The following ROR1 variants were observed in gnomAD, a reference collection of about 807,000 sequenced individuals.
ROR1 encodes ROR family WNT receptor 1, also known as inactive tyrosine-protein kinase transmembrane receptor ROR1.
In ROR1, 19 loss-of-function variants were observed where a neutral mutation model predicts 78.8. The observed-to-expected ratio is 0.24, with a 90% CI of 0.17 to 0.35. The LOEUF is 0.35. Ranked by LOEUF, ROR1 falls within the 10% of genes least tolerant of loss-of-function variation. The pLI is 1.00. For missense variants in ROR1, 917 were observed against 1,177.8 expected, an observed-to-expected ratio of 0.78 and a Z score of 3.24; for synonymous variants, 386 against 433.6, an observed-to-expected ratio of 0.89 and a Z score of 1.36.
chr1:64,013,617 T>C (rs978764748), intron 2 of ROR1, among the ~76,000 whole-genome samples: 33 of 152,136 alleles, frequency 2.2e-4, no homozygotes, highest in African/African-American at 8.0e-4. Flanking sequence ...TGGACATACT[T>C]CTGAATAACA....
In ROR1 at chr1:64,140,026, T is replaced by C. The variant is rs748907518; in HGVS notation, c.611-83T>C. On this transcript the variant is annotated intron_variant, in intron 5 of 8. Transcript: ENST00000371079. The stretch of plus-strand genomic sequence containing the variant: ...CACGGCGGATTCCTTGCAATGTGTG[T>C]TTATATCTGATATCCGTTGACTAGA... 5 of 1,295,100 alleles carry C rather than the reference T, an allele frequency of 3.9e-6. No individual in the cohort carries two copies. In the Admixed American group the frequency reaches 1.0e-4, roughly 26 times the overall value. The allele number at this position is 1,295,100 out of a possible 1,614,324, so 80.2% of individuals were successfully genotyped here. A position where few individuals can be genotyped will look rare whatever the true frequency, so the allele number is the denominator to read the frequency against.
At chr1:64,104,072 C>T (rs1647684402) in intron 4 of ROR1, among the ~76,000 whole-genome samples, 2 of 152,078 alleles carry the variant, frequency 1.3e-5, no homozygotes, top group Non-Finnish European at 2.9e-5. Flanking sequence ...ACGTCAATAG[C>T]GCTGAGATTG....
chr1:64,016,298 G>A (rs753161140), intron 2 of ROR1, among the ~76,000 whole-genome samples: 21 of 152,082 alleles, frequency 1.4e-4, no homozygotes, highest in Non-Finnish European at 2.8e-4. Flanking sequence ...CCAAAGTGAG[G>A]GGTAGCATCA....
At chr1:64,079,985 G>A (rs1187827906) in intron 4 of ROR1, among the ~76,000 whole-genome samples, 1 of 152,128 alleles carries the variant, frequency 6.6e-6, no homozygotes, top group Non-Finnish European at 1.5e-5. Context: ...TATAATTAAG[G>A]CAGAATGCCC....
intron 2 of ROR1, chr1:64,028,968 T>A (rs756463887): frequency 6.6e-6 from 1 of 152,226 alleles, no homozygotes; most frequent in Non-Finnish European, 1.5e-5. Context: ...TTTATTGTTC[T>A]GATTTTAGTA....
chr1:64,154,869 G>A (rs1649729538), intron 7 of ROR1, among the ~76,000 whole-genome samples: 1 of 152,056 alleles, frequency 6.6e-6, no homozygotes, highest in South Asian at 2.1e-4. Context: ...ATGCATTGGA[G>A]GTGTCCATTA....
intron 4 of ROR1, among the ~76,000 whole-genome samples, chr1:64,070,417 C>T (rs1013517946): frequency 6.6e-6 from 1 of 152,156 alleles, no homozygotes; most frequent in Admixed American, 6.5e-5. Flanking sequence ...CAGCCTGACC[C>T]TCCTGGGCTC....
At chr1:63,822,295 GTC>G (rs1644928156) in intron 1 of ROR1, among the ~76,000 whole-genome samples, 1 of 152,186 alleles carries the variant, frequency 6.6e-6, no homozygotes, top group African/African-American at 2.4e-5. Context: ...AAGTGAGTAT[GTC>G]TCTGCCCATA....
intron 8 of ROR1, among the ~76,000 whole-genome samples, chr1:64,175,860 G>A (rs1274080428): frequency 6.6e-6 from 1 of 152,112 alleles, no homozygotes; most frequent in Admixed American, 6.5e-5. Flanking sequence ...CTAAACTGTT[G>A]TTTTAAACTC....
intron 1 of ROR1, among the ~76,000 whole-genome samples, chr1:63,929,692 G>A (rs914419481): frequency 6.6e-5 from 10 of 152,206 alleles, no homozygotes; most frequent in Admixed American, 5.2e-4. Flanking sequence ...CTCTTGAAAA[G>A]CAGTTCTTAT....
chr1:63,997,506 AG>A (rs150993928), intron 1 of ROR1, among the ~76,000 whole-genome samples: 1,989 of 152,304 alleles, frequency 0.013, 42 homozygotes, highest in African/African-American at 0.046. Flanking sequence ...TTATGACAAA[AG>A]CAAAAGTAAC....
intron 1 of ROR1, among the ~76,000 whole-genome samples, chr1:63,998,972 T>C (rs935968359): frequency 6.6e-6 from 1 of 152,206 alleles, no homozygotes; most frequent in Non-Finnish European, 1.5e-5. Context: ...TCTCATCCTC[T>C]CTTGCCAACG....
intron 1 of ROR1, among the ~76,000 whole-genome samples, chr1:63,865,654 G>C (rs1645210802): frequency 6.6e-6 from 1 of 152,214 alleles, no homozygotes; most frequent in Non-Finnish European, 1.5e-5. Flanking sequence ...GCGTTTTGCA[G>C]AGTAAGCACT....
At chr1:63,828,893 C>T (rs1158014897) in intron 1 of ROR1, among the ~76,000 whole-genome samples, 1 of 152,252 alleles carries the variant, frequency 6.6e-6, no homozygotes, top group Non-Finnish European at 1.5e-5. Flanking sequence ...ATCACTCCCT[C>T]TCCTCTTCTG....
Position 64,076,081 on chromosome 1 carries a change from A to T in ROR1, c.482+25365A>T, listed in dbSNP as rs552316033. On this transcript the variant is annotated intron_variant, in intron 4 of 8. Coordinates refer to ENST00000371079, the MANE Select transcript of ROR1 (RefSeq NM_005012.4). Reference sequence around the variant, plus strand: ...CCTTCTTGCTGACAGAGGAAGAAGAATCCCACTACCTTTTAGCTGGAGGTT... The same window carrying T: ...CCTTCTTGCTGACAGAGGAAGAAGATTCCCACTACCTTTTAGCTGGAGGTT... 2.1e-3 allele frequency among the ~76,000 whole-genome samples: 314 copies of T among 152,316 alleles called. 2 individuals carry two copies. Among genetic ancestry groups the T allele is most frequent in the African/African-American group, 7.4e-3 (308 of 41,550 alleles).
chr1:63,940,680 CA>C (rs1475726236), intron 1 of ROR1, among the ~76,000 whole-genome samples: 3 of 152,080 alleles, frequency 2.0e-5, no homozygotes, highest in Non-Finnish European at 4.4e-5. Flanking sequence ...CAAAAATCAT[CA>C]ATGGATGTTA....
intron 7 of ROR1, among the ~76,000 whole-genome samples, chr1:64,149,439 G>T (rs1223496378): frequency 2.6e-5 from 4 of 152,030 alleles, no homozygotes; most frequent in Non-Finnish European, 5.9e-5. Flanking sequence ...TTGGGATGCT[G>T]CCCATTGATA....
At chr1:64,103,325 A>G (rs1647645614) in intron 4 of ROR1, among the ~76,000 whole-genome samples, 1 of 143,338 alleles carries the variant, frequency 7.0e-6, no homozygotes, top group Non-Finnish European at 1.6e-5. Flanking sequence ...TAAAATTTAA[A>G]AAAAAGTTCA....
chr1:64,130,687 G>A (rs1648883302), intron 4 of ROR1, among the ~76,000 whole-genome samples: 1 of 152,172 alleles, frequency 6.6e-6, no homozygotes, highest in African/African-American at 2.4e-5. Flanking sequence ...TGGAATAGGA[G>A]GTAACTTTTC....
Sources: gnomAD v4.1 joint callset for allele counts (sites outside exome capture counted in the v4.1 genomes callset) on GRCh38, gnomAD v4.1.1 for gene constraint, MANE v1.5 for transcripts, NCBI Gene and HGNC (gene_info 2026-07-23, HGNC 2026-07-21) for gene names.